CAPS2: variants seen among roughly 807,000 people sequenced by gnomAD.
CAPS2 encodes calcyphosine 2.
In CAPS2, 98 loss-of-function variants were observed where a neutral mutation model predicts 86.5. The observed-to-expected ratio is 1.13, with a 90% CI of 0.96 to 1.34. The LOEUF is 1.34. CAPS2 is among the 40% of genes most tolerant of loss of function. CAPS2 has a pLI of 0.00. For missense variants in CAPS2, 729 were observed against 686.8 expected, an observed-to-expected ratio of 1.06 and a Z score of -0.69; for synonymous variants, 210 against 225.1, an observed-to-expected ratio of 0.93 and a Z score of 0.60.
chr12:75,381,942 A>T (rs2045016861), intron 1 of CAPS2, among the ~76,000 whole-genome samples: 2 of 152,150 alleles, frequency 1.3e-5, no homozygotes, highest in African/African-American at 4.8e-5. Flanking sequence ...CTCCCTGTGC[A>T]TCTGGGATTT....
chr12:75,296,123 G>A (rs958975907), intron 11 of CAPS2, among the ~76,000 whole-genome samples: 8 of 152,006 alleles, frequency 5.3e-5, no homozygotes, highest in Non-Finnish European at 8.8e-5. Flanking sequence ...TTGAGGGAGG[G>A]TAAGATTGAG....
At chr12:75,327,957 C>A (rs2040943539), upstream of CAPS2, among the ~76,000 whole-genome samples, 1 of 151,710 alleles carries the variant, frequency 6.6e-6, no homozygotes, top group Admixed American at 6.6e-5. Flanking sequence ...CTCTTCACCC[C>A]ATCCCTAGAG....
upstream of CAPS2, chr12:75,335,047 G>A: frequency 1.4e-6 from 1 of 716,778 alleles, no homozygotes; most frequent in South Asian, 2.0e-5. Flanking sequence ...CACCTTGGTT[G>A]GGCTGTCTCC....
At chr12:75,291,567 GTATA>G (rs66622366) in intron 13 of CAPS2, among the ~76,000 whole-genome samples, 173 bp downstream of exon 13, 1,469 of 27,556 alleles carry the variant, frequency 0.053, 28 homozygotes, top group African/African-American at 0.071. Context: ...ATTTTTAAAA[GTATA>G]TATATATATA....
intron 14 of CAPS2, 135 bp from the exon 15 acceptor site, chr12:75,285,215 T>C (rs1242115803): frequency 1.2e-6 from 1 of 823,522 alleles, no homozygotes; most frequent in Non-Finnish European, 1.7e-6. Flanking sequence ...AGAAGCTACA[T>C]AAAAATCCAA....
chr12:75,371,421 C>T (rs1187537759), intron 1 of CAPS2: 2 of 310,776 alleles, frequency 6.4e-6, no homozygotes, highest in Non-Finnish European at 1.3e-5. Flanking sequence ...CTGCTTTTCC[C>T]AGTTCACTGC....
intron 1 of CAPS2, chr12:75,363,089 C>T (rs1369974316): frequency 6.9e-7 from 1 of 1,450,902 alleles, no homozygotes; most frequent in South Asian, 1.3e-5. Context: ...ATCAATGTTT[C>T]TCTTTTTTAC....
chr12:75,358,535 A>G (rs2043305847), intron 1 of CAPS2, among the ~76,000 whole-genome samples: 1 of 151,216 alleles, frequency 6.6e-6, no homozygotes, highest in Non-Finnish European at 1.5e-5. Flanking sequence ...AGCTAAAAAT[A>G]GAAGGGAATG....
intron 1 of CAPS2, among the ~76,000 whole-genome samples, chr12:75,357,799 G>A (rs966046517): frequency 1.3e-5 from 2 of 151,716 alleles, no homozygotes; most frequent in African/African-American, 4.8e-5. Context: ...TAGAAAGTAT[G>A]CTGAACTGAA....
At chr12:75,296,901 T>C (rs1187077752) in intron 11 of CAPS2, among the ~76,000 whole-genome samples, 1 of 152,214 alleles carries the variant, frequency 6.6e-6, no homozygotes, top group Non-Finnish European at 1.5e-5. Flanking sequence ...GGATGTATTT[T>C]TAAAAGTAGG....
At chr12:75,287,310 C>A (rs2035064183) in intron 14 of CAPS2, among the ~76,000 whole-genome samples, 1 of 151,906 alleles carries the variant, frequency 6.6e-6, no homozygotes, top group South Asian at 2.1e-4. Flanking sequence ...TCGTCTCCTG[C>A]CTTTCTGTGT....
At chr12:75,301,914 CTG>C (rs1292472271) in intron 8 of CAPS2, among the ~76,000 whole-genome samples, 2 of 152,108 alleles carry the variant, frequency 1.3e-5, no homozygotes, top group African/African-American at 4.8e-5. Flanking sequence ...ATCAGAAAGA[CTG>C]AAGATTAAAG....
intron 2 of CAPS2, among the ~76,000 whole-genome samples, chr12:75,324,534 T>C (rs1434364161): frequency 6.6e-6 from 1 of 152,128 alleles, no homozygotes; most frequent in East Asian, 1.9e-4. Flanking sequence ...ACTCGATATC[T>C]TGGATCTAGT....
At chr12:75,281,174 CTA>C (rs1565754264) in intron 16 of CAPS2, among the ~76,000 whole-genome samples, 1 of 151,762 alleles carries the variant, frequency 6.6e-6, no homozygotes, top group Non-Finnish European at 1.5e-5. Flanking sequence ...CAACAAATGG[CTA>C]TATAATTTAA....
intron 1 of CAPS2, among the ~76,000 whole-genome samples, chr12:75,386,676 CAAT>C (rs1468642580): frequency 6.6e-6 from 1 of 151,948 alleles, no homozygotes; most frequent in African/African-American, 2.4e-5. Context: ...AGCAAAAATA[CAAT>C]AATTTAAAAG....
Position 75,323,167 on chromosome 12 carries a change from T to C in CAPS2, c.177+10A>G, listed in dbSNP as rs1358147969. The C allele has an allele frequency of 2.0e-6, 3 of 1,529,446 alleles. No homozygotes were observed. Among genetic ancestry groups the C allele is most frequent in the East Asian group, 4.9e-5 (2 of 40,632 alleles). 94.7% of individuals were successfully genotyped at this position (1,529,446 alleles called of 1,614,324 possible). The stretch of plus-strand genomic sequence containing the variant: ...AATGTTTATTATATTAAATACTAAA[T>C]AAAAATTACCTCATCATCAGAGTCA... On this transcript the variant is annotated intron_variant, in intron 3 of 16. Transcript: ENST00000393284.
chr12:75,352,890 T>A (rs913019250), intron 1 of CAPS2, among the ~76,000 whole-genome samples: 1 of 152,210 alleles, frequency 6.6e-6, no homozygotes, highest in African/African-American at 2.4e-5. Context: ...TGCTCTTGAA[T>A]GACTCCTGGG....
At chr12:75,283,562 A>G (rs2034347309) in intron 15 of CAPS2, among the ~76,000 whole-genome samples, 1 of 152,180 alleles carries the variant, frequency 6.6e-6, no homozygotes, top group Admixed American at 6.5e-5. Context: ...CTGTAATCCC[A>G]GCACTTTGGG....
At chr12:75,287,433 G>A (rs957638530) in intron 14 of CAPS2, among the ~76,000 whole-genome samples, 3 of 152,078 alleles carry the variant, frequency 2.0e-5, no homozygotes, top group African/African-American at 7.2e-5. Context: ...CTGCTCAGAG[G>A]CCAAGAAGAG....
Sources: allele counts gnomAD v4.1 joint callset (sites outside exome capture counted in the v4.1 genomes callset), GRCh38; gene constraint gnomAD v4.1.1; transcripts MANE v1.5; gene names NCBI Gene and HGNC (gene_info 2026-07-23, HGNC 2026-07-21).